The following SGPP2 variants were observed in gnomAD, a reference collection of about 807,000 sequenced individuals.
SGPP2 encodes the protein sphingosine 1-phosphate phosphohydrolase 2.
A neutral mutation model predicts 33.9 loss-of-function variants in SGPP2; 30 were observed. The observed-to-expected ratio is 0.89, with a 90% CI of 0.66 to 1.20. The LOEUF is 1.20. Ranked by LOEUF, SGPP2 falls within the 50% of genes most tolerant of loss-of-function variation. The pLI is 0.00. For synonymous variants in SGPP2, 233 were observed against 225.0 expected (o/e 1.04, Z -0.32); for missense variants, 458 against 532.1 (o/e 0.86, Z 1.37).
intron 1 of SGPP2, among the ~76,000 whole-genome samples, chr2:222,464,306 A>G (rs1294947220): frequency 1.3e-5 from 2 of 152,198 alleles, no homozygotes; most frequent in East Asian, 1.9e-4. Flanking sequence ...ATCGATGCCA[A>G]TGTCTCTTAT....
intron 2 of SGPP2, among the ~76,000 whole-genome samples, chr2:222,515,515 G>A (rs544185999): frequency 6.6e-6 from 1 of 151,910 alleles, no homozygotes; most frequent in African/African-American, 2.4e-5. Context: ...TTTTAGTAGA[G>A]ACGGGGTTTC....
chr2:222,451,390 A>G (rs1448484565), intron 1 of SGPP2, among the ~76,000 whole-genome samples: 1 of 152,234 alleles, frequency 6.6e-6, no homozygotes, highest in Non-Finnish European at 1.5e-5. Flanking sequence ...AATCATTTAG[A>G]AAGTATGTGA....
At chr2:222,539,887 A>T (rs1382022877) in intron 4 of SGPP2, among the ~76,000 whole-genome samples, 1 of 152,136 alleles carries the variant, frequency 6.6e-6, no homozygotes, top group African/African-American at 2.4e-5. Context: ...GGTGTCATCT[A>T]GTTACTTCTC....
Position 222,558,999 on chromosome 2 carries a change from C to T in SGPP2, c.*101C>T, listed in dbSNP as rs537950415. Reference sequence around the variant, plus strand: ...ACAACTTATTTTTCTTTAACAACAACAAAAAGTCATACGGCTGTCTTGCTA... The same window carrying T: ...ACAACTTATTTTTCTTTAACAACAATAAAAAGTCATACGGCTGTCTTGCTA... On this transcript the variant is annotated 3_prime_UTR_variant, in exon 5 of 5. Transcript: ENST00000321276. 8.5e-6 allele frequency: 10 copies of T among 1,177,970 alleles called. No individual in the cohort carries two copies. The highest frequency in any genetic ancestry group is 1.5e-5 in the South Asian group (1 of 66,376). The allele number at this position is 1,177,970 out of a possible 1,614,324, so 73.0% of individuals were successfully genotyped here. A position where few individuals can be genotyped will look rare whatever the true frequency, so the allele number is the denominator to read the frequency against.
At chr2:222,534,490 G>T (rs1249659494) in intron 4 of SGPP2, among the ~76,000 whole-genome samples, 1 of 151,848 alleles carries the variant, frequency 6.6e-6, no homozygotes, top group Non-Finnish European at 1.5e-5. Context: ...AGTTTTGGTT[G>T]GAGTCAGAGA....
chr2:222,452,753 G>A (rs1199309010), intron 1 of SGPP2: 7 of 1,449,558 alleles, frequency 4.8e-6, no homozygotes, highest in Non-Finnish European at 6.8e-6. Flanking sequence ...TGTTCACCAG[G>A]CATTCCTGGT....
At chr2:222,481,497 T>C (rs1458648363) in intron 2 of SGPP2, among the ~76,000 whole-genome samples, 1 of 152,194 alleles carries the variant, frequency 6.6e-6, no homozygotes, top group Non-Finnish European at 1.5e-5. Flanking sequence ...TGTTTAGAAG[T>C]TCAAGACTTT....
intron 2 of SGPP2, chr2:222,504,064 C>T (rs1010921933): frequency 6.6e-6 from 1 of 152,264 alleles, no homozygotes; most frequent in African/African-American, 2.4e-5. Context: ...GGATGCTCTT[C>T]CAGGGGCCCT....
chr2:222,489,898 G>C (rs1033572384), intron 2 of SGPP2, among the ~76,000 whole-genome samples: 9 of 152,178 alleles, frequency 5.9e-5, no homozygotes, highest in Non-Finnish European at 8.8e-5. Flanking sequence ...CCAGGAGATG[G>C]AGGTTGCAGT....
intron 1 of SGPP2, among the ~76,000 whole-genome samples, chr2:222,462,838 A>G (rs537375705): frequency 6.6e-6 from 1 of 152,210 alleles, no homozygotes; most frequent in East Asian, 1.9e-4. Context: ...ATAATCAGAA[A>G]AACAAACAAA....
In SGPP2 at chr2:222,448,951, C is replaced by CAGCGAGT. The variant is rs141969173; in HGVS notation, c.219+24132_219+24138dup. Among the ~76,000 whole-genome samples the CAGCGAGT allele has an allele frequency of 5.2e-3, 788 of 152,274 alleles. 3 individuals carry two copies. The highest frequency in any genetic ancestry group is 0.018 in the African/African-American group (747 of 41,556). On this transcript the variant is annotated intron_variant, in intron 1 of 4. Transcript: ENST00000321276. ...CCAGCTGTTCCCCATCTCCAGTGAG[C>CAGCGAGT]AGCGAGTAAGAGGAAATGGGTTTAA...
intron 3 of SGPP2, 111 bp from the exon 4 acceptor site, chr2:222,524,833 A>T: frequency 1.2e-6 from 1 of 833,150 alleles, no homozygotes; most frequent in East Asian, 2.6e-5. Flanking sequence ...GGGGAATGCA[A>T]GATTTGGACT....
chr2:222,424,328 C>T (rs1048885421), upstream of SGPP2, among the ~76,000 whole-genome samples: 1 of 152,064 alleles, frequency 6.6e-6, no homozygotes, highest in Non-Finnish European at 1.5e-5. Flanking sequence ...GGCACTCCTC[C>T]GTCCAGTTAC....
intron 1 of SGPP2, among the ~76,000 whole-genome samples, chr2:222,468,232 G>A (rs1407938790): frequency 2.6e-5 from 4 of 151,996 alleles, no homozygotes; most frequent in Non-Finnish European, 5.9e-5. Flanking sequence ...GTGGCAGGGC[G>A]GGGAGCGGCT....
At chr2:222,458,456 C>T (rs1461581204) in intron 1 of SGPP2, among the ~76,000 whole-genome samples, 1 of 152,014 alleles carries the variant, frequency 6.6e-6, no homozygotes, top group Admixed American at 6.6e-5. Context: ...GCTAAAATGT[C>T]CTATATTGTT....
At chr2:222,497,379 G>A (rs192549564) in intron 2 of SGPP2, among the ~76,000 whole-genome samples, 1 of 150,186 alleles carries the variant, frequency 6.7e-6, no homozygotes, top group East Asian at 2.0e-4. Context: ...CTGCCTCCCC[G>A]GGTCTCCTGG....
chr2:222,462,724 AG>A (rs1342048697), intron 1 of SGPP2, among the ~76,000 whole-genome samples: 1 of 152,150 alleles, frequency 6.6e-6, no homozygotes, highest in Admixed American at 6.5e-5. Context: ...GGATTGTCTG[AG>A]GGGTGGGACA....
intron 2 of SGPP2, among the ~76,000 whole-genome samples, chr2:222,501,374 GAAC>G (rs1698363568): frequency 6.6e-6 from 1 of 151,692 alleles, no homozygotes; most frequent in Non-Finnish European, 1.5e-5. Context: ...ATTCTATTAA[GAAC>G]AAAAACCTGT....
intron 4 of SGPP2, among the ~76,000 whole-genome samples, chr2:222,544,674 C>A (rs1279630331): frequency 2.0e-5 from 3 of 152,128 alleles, no homozygotes; most frequent in African/African-American, 7.2e-5. Flanking sequence ...ATCCATTTTT[C>A]TTTCAAATAT....
Sources: allele counts gnomAD v4.1 joint callset (sites outside exome capture counted in the v4.1 genomes callset), GRCh38; gene constraint gnomAD v4.1.1; transcripts MANE v1.5; gene names NCBI Gene and HGNC (gene_info 2026-07-23, HGNC 2026-07-21).